Variants in ESR1 observed in about 807,000 individuals in gnomAD.
The protein encoded by ESR1 is estrogen receptor 1.
ESR1 carries 12 observed loss-of-function variants against 52.7 expected under a neutral mutation model. That is an observed-to-expected ratio of 0.23 (90% CI 0.15 to 0.37). The LOEUF (loss-of-function observed/expected upper bound fraction) is 0.37. Among genes scored for constraint, ESR1 ranks in the 10% least tolerant of loss-of-function variants. ESR1 has a pLI of 1.00. For synonymous variants in ESR1, 305 were observed against 316.8 expected (o/e 0.96, Z 0.39); for missense variants, 584 against 779.7 (o/e 0.75, Z 2.99).
chr6:151,816,188 C>G (rs1020845713), intron 1 of ESR1, among the ~76,000 whole-genome samples: 18 of 152,180 alleles, frequency 1.2e-4, no homozygotes, highest in Admixed American at 1.2e-3. Flanking sequence ...CAGGAACCTA[C>G]CCTATTTTCC....
intron 4 of ESR1, among the ~76,000 whole-genome samples, chr6:151,957,466 C>A (rs1306274528): frequency 6.6e-6 from 1 of 152,136 alleles, no homozygotes; most frequent in East Asian, 1.9e-4. Context: ...TGCCTCCATG[C>A]TTTCATGCCT....
At chr6:151,752,023 G>C (rs1353236520) in intron 2 of ESR1, among the ~76,000 whole-genome samples, 1 of 152,202 alleles carries the variant, frequency 6.6e-6, no homozygotes, top group Non-Finnish European at 1.5e-5. Flanking sequence ...TTAAGTGAAG[G>C]AGTTGGTTGG....
chr6:151,662,878 T>C (rs961611133), intron 1 of ESR1, among the ~76,000 whole-genome samples: 10 of 152,218 alleles, frequency 6.6e-5, no homozygotes, highest in Non-Finnish European at 2.9e-5. Context: ...TCTGGAAAAC[T>C]CTTGTTAAAC....
upstream of ESR1, among the ~76,000 whole-genome samples, chr6:151,686,064 A>ATTTTTTTTTTTTTTTTTTTTT (rs557270210): frequency 7.9e-4 from 90 of 114,326 alleles, 5 homozygotes; most frequent in African/African-American, 3.6e-3. Context: ...AATTAAAACA[A>ATTTTTTTTTTTTTTTTTTTTT]TTTTTTTTTT....
chr6:152,026,771 A>G (rs1004249594), intron 5 of ESR1, among the ~76,000 whole-genome samples: 1 of 152,170 alleles, frequency 6.6e-6, no homozygotes, highest in Non-Finnish European at 1.5e-5. Flanking sequence ...GAGCAGTAGT[A>G]AAATTAGCTA....
chr6:151,656,821 T>C (rs892199818), intron 1 of ESR1: 4 of 152,176 alleles, frequency 2.6e-5, no homozygotes, highest in African/African-American at 9.7e-5. Flanking sequence ...AATATTAAGA[T>C]GACTATGTAA....
rs191278177 is a variant in ESR1 at position 152,009,678 on chromosome 6, A to T, written c.1097-1978A>T. On this transcript the variant is annotated intron_variant, in intron 4 of 7. Coordinates refer to ENST00000206249, the MANE Select transcript of ESR1 (RefSeq NM_000125.4). The stretch of plus-strand genomic sequence containing the variant: ...TTGAAAACAGTTTGACAGTTTCTTA[A>T]AAAGCTAAAACATCCACCTGGCATG... Among the ~76,000 whole-genome samples, 16 of 152,244 alleles carry T rather than the reference A, an allele frequency of 1.1e-4. No homozygotes were observed. The East Asian group carries it at 3.1e-3, about 29-fold the overall frequency.
intron 2 of ESR1, among the ~76,000 whole-genome samples, chr6:151,781,942 G>A (rs984514585): frequency 2.6e-5 from 4 of 152,232 alleles, no homozygotes; most frequent in Non-Finnish European, 5.9e-5. Flanking sequence ...GTGTGAAGCA[G>A]AGGTAAGTAG....
At chr6:151,681,461 G>C (rs151254912) in intron 1 of ESR1, among the ~76,000 whole-genome samples, 9 of 151,664 alleles carry the variant, frequency 5.9e-5, no homozygotes, top group Admixed American at 5.9e-4. Context: ...TCCCGTGCTC[G>C]TCAATTCTCT....
intron 2 of ESR1, among the ~76,000 whole-genome samples, chr6:151,752,531 A>C (rs1279141650): frequency 6.7e-6 from 1 of 148,820 alleles, no homozygotes; most frequent in Non-Finnish European, 1.5e-5. Flanking sequence ...TGTTTCCATA[A>C]TTTTCTGCAA....
chr6:151,769,538 T>G (rs1267861238), intron 2 of ESR1, among the ~76,000 whole-genome samples: 1 of 152,144 alleles, frequency 6.6e-6, no homozygotes, highest in Non-Finnish European at 1.5e-5. Flanking sequence ...CATTTGTAAT[T>G]GACAGAGTTG....
chr6:151,974,271 A>G (rs1182670877), intron 4 of ESR1, among the ~76,000 whole-genome samples: 1 of 152,178 alleles, frequency 6.6e-6, no homozygotes, highest in African/African-American at 2.4e-5. Context: ...ACTCTTATTG[A>G]GTATTTGTTA....
Position 152,114,890 on chromosome 6 carries a change from CAAAAAAAAAAAA to C in ESR1, c.851-10361_851-10350del, listed in dbSNP as rs60553265. Among the ~76,000 whole-genome samples the C allele has an allele frequency of 8.6e-3, 355 of 41,204 alleles. 2 individuals are homozygous for C. Among genetic ancestry groups the C allele is most frequent in the Admixed American group, 0.026 (82 of 3,192 alleles). 27.0% of individuals were successfully genotyped at this position (41,204 alleles called of 152,430 possible). ...TGGGTGACAGAGCTAGACTCCGTCT[CAAAAAAAAAAAA>C]AAAAAAAAAAAAAAGCAAGTCAAAT... On this transcript the variant is annotated intron_variant, in intron 6 of 6. Transcript: ENST00000427531.
In ESR1 at chr6:152,094,829, G is replaced by A. The variant is rs1408144814; in HGVS notation, c.1553+261G>A. 6.6e-6 allele frequency among the ~76,000 whole-genome samples: 1 copy of A among 152,178 alleles called. No homozygotes were observed. On this transcript the variant is annotated intron_variant, in intron 7 of 7. Coordinates refer to ENST00000206249, the MANE Select transcript of ESR1 (RefSeq NM_000125.4). This position sits in a 1 kb window ranked among gnomAD's most constrained non-coding sequence, Gnocchi z 4.6. Reference sequence around the variant, plus strand: ...TTAAAGCATGTGCTTTGGGGCAGTGGTTTAGAGATTGGGTGCAGTGTGCAA... The same window carrying A: ...TTAAAGCATGTGCTTTGGGGCAGTGATTTAGAGATTGGGTGCAGTGTGCAA...
chr6:151,775,107 G>A (rs1583226360), intron 2 of ESR1, among the ~76,000 whole-genome samples: 1 of 152,102 alleles, frequency 6.6e-6, no homozygotes, highest in Non-Finnish European at 1.5e-5. Flanking sequence ...TGGCAGGAGA[G>A]GTGAAAGAAG....
intron 1 of ESR1, chr6:151,813,306 A>T (rs1415426912): frequency 6.6e-6 from 1 of 152,196 alleles, no homozygotes; most frequent in Non-Finnish European, 1.5e-5. Context: ...AATTTCAAGA[A>T]ACGTGGGCAA....
chr6:152,114,535 C>A (rs116506580), intron 6 of ESR1, among the ~76,000 whole-genome samples: 3,161 of 152,170 alleles, frequency 0.021, 114 homozygotes, highest in African/African-American at 0.071. Flanking sequence ...AGAATTTGGC[C>A]ACTTTTAATA....
At chr6:151,851,646 G>T (rs1786740308) in intron 2 of ESR1, among the ~76,000 whole-genome samples, 1 of 151,370 alleles carries the variant, frequency 6.6e-6, no homozygotes, top group Non-Finnish European at 1.5e-5. Context: ...TCCTGCCTCA[G>T]CCTCCCGAGT....
chr6:151,667,481 A>C (rs1777872203), intron 1 of ESR1, among the ~76,000 whole-genome samples: 1 of 152,174 alleles, frequency 6.6e-6, no homozygotes, highest in Admixed American at 6.5e-5. Context: ...TCTATTTGAT[A>C]CCTAAGACTC....
Sources: allele counts gnomAD v4.1 joint callset (sites outside exome capture counted in the v4.1 genomes callset), GRCh38; gene constraint gnomAD v4.1.1; non-coding constraint Gnocchi (gnomAD v3.1); transcripts MANE v1.5; gene names NCBI Gene and HGNC (gene_info 2026-07-23, HGNC 2026-07-21).